The following SGCD variants were observed in gnomAD, a reference collection of about 807,000 sequenced individuals.
The protein encoded by SGCD is sarcoglycan delta, also known as delta-sarcoglycan.
A neutral mutation model predicts 36.6 loss-of-function variants in SGCD; 18 were observed. That is an observed-to-expected ratio of 0.49 (90% CI 0.34 to 0.73). The LOEUF (loss-of-function observed/expected upper bound fraction) is 0.73. Among genes scored for constraint, SGCD ranks in the 30% least tolerant of loss-of-function variants. The pLI is 0.01. For synonymous variants in SGCD, 133 were observed against 130.6 expected, an observed-to-expected ratio of 1.02 and a Z score of -0.12; for missense variants, 387 against 346.7, an observed-to-expected ratio of 1.12 and a Z score of -0.92.
intron 1 of SGCD, among the ~76,000 whole-genome samples, chr5:156,032,975 G>A (rs1418253953): frequency 1.3e-5 from 2 of 151,864 alleles, no homozygotes; most frequent in African/African-American, 4.8e-5. Flanking sequence ...TACTCAGGAG[G>A]CTGAGGCAGG....
chr5:156,197,548 A>G (rs558007798), intron 3 of SGCD, among the ~76,000 whole-genome samples: 2 of 151,080 alleles, frequency 1.3e-5, no homozygotes, highest in African/African-American at 4.9e-5. Context: ...CCAGAGAAGT[A>G]AAAGTGATTA....
At chr5:156,471,851 GACTTAGAGAAAAAA>G (rs1319478888) in intron 3 of SGCD, among the ~76,000 whole-genome samples, 2 of 151,778 alleles carry the variant, frequency 1.3e-5, no homozygotes, top group Non-Finnish European at 1.5e-5. Flanking sequence ...GGGCACAAAA[GACTTAGAGAAAAAA>G]TATACATACA....
intron 4 of SGCD, among the ~76,000 whole-genome samples, chr5:156,546,807 A>G (rs1478099986): frequency 2.0e-5 from 3 of 152,188 alleles, no homozygotes; most frequent in African/African-American, 4.8e-5. Context: ...CCTGGCAGCT[A>G]TCATAAGTAT....
the SGCD span, among the ~76,000 whole-genome samples, chr5:155,848,757 T>C: frequency 6.6e-6 from 1 of 152,192 alleles, no homozygotes; most frequent in East Asian, 1.9e-4. Context: ...TCATCTCCAC[T>C]ATAGCTCTTA....
intron 1 of SGCD, among the ~76,000 whole-genome samples, chr5:155,900,958 T>C (rs989503030): frequency 6.6e-6 from 1 of 152,124 alleles, no homozygotes; most frequent in Non-Finnish European, 1.5e-5. Context: ...TTTAAAGGTA[T>C]ACTTTATCAC....
At chr5:156,219,594 T>G (rs1764668083) in intron 3 of SGCD, among the ~76,000 whole-genome samples, 1 of 152,212 alleles carries the variant, frequency 6.6e-6, no homozygotes, top group South Asian at 2.1e-4. Flanking sequence ...GTGATTTGAA[T>G]AGATGAAGCT....
chr5:156,001,455 G>A (rs1400367846), intron 1 of SGCD, among the ~76,000 whole-genome samples: 2 of 152,172 alleles, frequency 1.3e-5, no homozygotes, highest in Non-Finnish European at 2.9e-5. Flanking sequence ...ATTAAAGAAT[G>A]ACATAATCAT....
intron 1 of SGCD, among the ~76,000 whole-genome samples, chr5:156,018,668 T>A (rs1026805424): frequency 1.3e-5 from 2 of 152,230 alleles, no homozygotes; most frequent in African/African-American, 4.8e-5. Context: ...TAATAAGTGT[T>A]GAGCACTGAG....
intron 4 of SGCD, among the ~76,000 whole-genome samples, chr5:156,572,518 T>C (rs1371863078): frequency 1.3e-5 from 2 of 152,210 alleles, no homozygotes; most frequent in Non-Finnish European, 2.9e-5. Context: ...TTGTTGTTGT[T>C]AGCCTAACAT....
At chr5:156,418,575 T>C (rs546219860) in intron 3 of SGCD, among the ~76,000 whole-genome samples, 2 of 152,316 alleles carry the variant, frequency 1.3e-5, no homozygotes, top group Admixed American at 1.3e-4. Context: ...AAATGTGCTT[T>C]TCTGGATCTT....
At chr5:155,960,587 A>G (rs532072904) in intron 1 of SGCD, among the ~76,000 whole-genome samples, 149 of 152,240 alleles carry the variant, frequency 9.8e-4, no homozygotes, top group African/African-American at 3.4e-3. Flanking sequence ...TCATATTTAG[A>G]AAAAAATTAA....
At chr5:156,529,051 T>C (rs1757765673) in intron 4 of SGCD, among the ~76,000 whole-genome samples, 1 of 152,154 alleles carries the variant, frequency 6.6e-6, no homozygotes, top group African/African-American at 2.4e-5. Flanking sequence ...AGAAGATTCC[T>C]ACCTAGGTTA....
chr5:155,916,004 CTTT>C (rs1756727151), intron 1 of SGCD, among the ~76,000 whole-genome samples: 1 of 152,158 alleles, frequency 6.6e-6, no homozygotes, highest in Non-Finnish European at 1.5e-5. Context: ...GAGAAAAATA[CTTT>C]ACAGAATTAA....
intron 4 of SGCD, among the ~76,000 whole-genome samples, chr5:156,581,854 A>T (rs917618667): frequency 6.6e-6 from 1 of 152,168 alleles, no homozygotes; most frequent in Admixed American, 6.5e-5. Context: ...AGGAAAGAGA[A>T]ATTCCCCAAC....
chr5:156,178,763 A>C (rs539503652), intron 3 of SGCD, among the ~76,000 whole-genome samples: 6 of 152,038 alleles, frequency 3.9e-5, no homozygotes, highest in Admixed American at 1.3e-4. Context: ...TTTAGTAGAG[A>C]CAAGGTTGGC....
chr5:156,761,022 G>A lies in SGCD; in HGVS notation c.*1632G>A, dbSNP rs558080129. 2.0e-5 allele frequency: 3 copies of A among 152,322 alleles called. No individual in the cohort carries two copies. In the South Asian group the frequency reaches 6.2e-4, roughly 32 times the overall value. 9.4% of individuals were successfully genotyped at this position (152,322 alleles called of 1,614,324 possible). The stretch of plus-strand genomic sequence containing the variant: ...CATTTGGAAAGTAGTGGCCCTGCAA[G>A]CCTAAATGAAGTAGTATTTGTAGGC... On this transcript the variant is annotated 3_prime_UTR_variant, in exon 9 of 9. Transcript: ENST00000337851.
intron 3 of SGCD, among the ~76,000 whole-genome samples, chr5:156,412,163 G>A (rs1365143811): frequency 6.6e-6 from 1 of 152,190 alleles, no homozygotes; most frequent in Admixed American, 6.5e-5. Context: ...GTTAGCCTGG[G>A]TAAGGGTCAG....
chr5:155,943,196 T>C (rs897466616), intron 1 of SGCD, among the ~76,000 whole-genome samples: 14 of 152,176 alleles, frequency 9.2e-5, no homozygotes, highest in African/African-American at 2.9e-4. Context: ...AAGCCACCTT[T>C]TCCTTAAATA....
chr5:155,904,724 T>C (rs1445961232), intron 1 of SGCD, among the ~76,000 whole-genome samples: 3 of 152,036 alleles, frequency 2.0e-5, no homozygotes, highest in African/African-American at 4.8e-5. Flanking sequence ...TAACTATAGG[T>C]TTTTTAAAAA....
Sources: gnomAD v4.1 joint callset for allele counts (sites outside exome capture counted in the v4.1 genomes callset) on GRCh38, gnomAD v4.1.1 for gene constraint, MANE v1.5 for transcripts, NCBI Gene and HGNC (gene_info 2026-07-23, HGNC 2026-07-21) for gene names.